GULP1: variants seen among roughly 807,000 people sequenced by gnomAD.
GULP1 encodes PTB domain-containing engulfment adapter protein 1.
GULP1 carries 19 observed loss-of-function variants against 40.9 expected under a neutral mutation model. That is an observed-to-expected ratio of 0.46 (90% CI 0.32 to 0.68). The LOEUF (loss-of-function observed/expected upper bound fraction) is 0.68, where lower values mean the gene tolerates loss of function less well. Among genes scored for constraint, GULP1 ranks in the 30% least tolerant of loss-of-function variants. The pLI is 0.03. For missense variants in GULP1, 312 were observed against 362.2 expected, an observed-to-expected ratio of 0.86 and a Z score of 1.12; for synonymous variants, 119 against 117.6, an observed-to-expected ratio of 1.01 and a Z score of -0.08.
intron 4 of GULP1, among the ~76,000 whole-genome samples, chr2:188,512,843 A>G (rs188987920): frequency 4.9e-5 from 1 of 20,282 alleles, no homozygotes; most frequent in African/African-American, 1.7e-4. Context: ...AGCTTAAAAG[A>G]GAAGTCTTTG....
intron 1 of GULP1, among the ~76,000 whole-genome samples, chr2:188,356,418 T>C (rs374813191): frequency 9.2e-5 from 14 of 152,136 alleles, no homozygotes; most frequent in African/African-American, 3.1e-4. Context: ...AGAAGAAATC[T>C]AGGAAAGCAA....
At chr2:188,510,688 A>C (rs2153196897) in intron 4 of GULP1, among the ~76,000 whole-genome samples, 1 of 151,048 alleles carries the variant, frequency 6.6e-6, no homozygotes, top group East Asian at 2.0e-4. Context: ...ATATCCTAAA[A>C]ATCCCACTTG....
intron 1 of GULP1, among the ~76,000 whole-genome samples, chr2:188,367,632 A>G (rs1267841799): frequency 6.6e-6 from 1 of 152,168 alleles, no homozygotes; most frequent in East Asian, 1.9e-4. Context: ...TTAAGATTCT[A>G]GGAACTCAGA....
intron 1 of GULP1, among the ~76,000 whole-genome samples, chr2:188,339,423 T>C (rs1371340167): frequency 1.3e-5 from 2 of 152,208 alleles, no homozygotes; most frequent in African/African-American, 2.4e-5. Flanking sequence ...GTTTTAGAGA[T>C]GCTTTGGATG....
At chr2:188,582,242 T>C (rs1357280169) in intron 9 of GULP1, 2 of 392,690 alleles carry the variant, frequency 5.1e-6, no homozygotes, top group Non-Finnish European at 1.0e-5. Context: ...CTTATCATCT[T>C]AACAAAACAC....
chr2:188,302,606 GACATACAGTAAACTTT>G (rs1332689610), intron 1 of GULP1, among the ~76,000 whole-genome samples: 1 of 152,086 alleles, frequency 6.6e-6, no homozygotes. Context: ...AAAAAATACA[GACATACAGTAAACTTT>G]TAAGTAAGAG....
intron 1 of GULP1, among the ~76,000 whole-genome samples, chr2:188,353,831 A>G (rs1436789731): frequency 4.0e-5 from 6 of 151,502 alleles, no homozygotes; most frequent in Non-Finnish European, 5.9e-5. Context: ...AACCCCTCCT[A>G]CCCCTACAGA....
At chr2:188,558,137 T>C (rs556722388) in intron 7 of GULP1, among the ~76,000 whole-genome samples, 123 of 152,270 alleles carry the variant, frequency 8.1e-4, no homozygotes, top group Non-Finnish European at 1.4e-3. Context: ...GAAAATGGGC[T>C]CCTCTTTTCT....
At position 188,291,923 on chromosome 2, in the gene GULP1, C is replaced by G. The variant is rs1410505073; in HGVS notation, c.-415C>G. On this transcript the variant is annotated 5_prime_UTR_variant, in exon 1 of 12. Coordinates refer to ENST00000409830, the MANE Select transcript of GULP1 (RefSeq NM_016315.4). Reference sequence around the variant, plus strand: ...GTCCCCAGCCCCGCGTCCCAGCTGCCGCCAGCGCCAGTTTTGGATTCGGCG... The same window carrying G: ...GTCCCCAGCCCCGCGTCCCAGCTGCGGCCAGCGCCAGTTTTGGATTCGGCG... 6 of 152,440 alleles carry G rather than the reference C, an allele frequency of 3.9e-5. No homozygotes were observed. In the East Asian group the frequency reaches 7.8e-4, roughly 20 times the overall value. The allele number at this position is 152,440 out of a possible 1,614,324, so 9.4% of individuals were successfully genotyped here.
rs1200563303 is a variant in GULP1, at chr2:188,301,302, G to T, written c.-172+9136G>T. On this transcript the variant is annotated intron_variant, in intron 1 of 11. Transcript: ENST00000409830. Reference sequence around the variant, plus strand: ...ACCTGCCAATGTGCTGGTATTACAGGTGTGAGCACTGTACTTGGCTCCAAG... The same window carrying T: ...ACCTGCCAATGTGCTGGTATTACAGTTGTGAGCACTGTACTTGGCTCCAAG... Among the ~76,000 whole-genome samples, 6 of 152,290 alleles carry T rather than the reference G, an allele frequency of 3.9e-5. No homozygotes were observed. In the East Asian group the frequency reaches 1.2e-3, roughly 29 times the overall value.
At chr2:188,557,231 A>C (rs1576067952) in intron 7 of GULP1, among the ~76,000 whole-genome samples, 1 of 152,252 alleles carries the variant, frequency 6.6e-6, no homozygotes, top group Non-Finnish European at 1.5e-5. Context: ...CCAAAGTCTT[A>C]ACTTGTTTTG....
At chr2:188,483,799 TC>T (rs2061626115) in intron 4 of GULP1, among the ~76,000 whole-genome samples, 1 of 152,162 alleles carries the variant, frequency 6.6e-6, no homozygotes, top group Non-Finnish European at 1.5e-5. Flanking sequence ...AAATTAGCTT[TC>T]TTTAAAAACA....
At chr2:188,402,780 C>T (rs926839943) in intron 2 of GULP1, among the ~76,000 whole-genome samples, 1 of 151,770 alleles carries the variant, frequency 6.6e-6, no homozygotes, top group Non-Finnish European at 1.5e-5. Context: ...TGAAATCTGC[C>T]CTAGGATTTT....
intron 10 of GULP1, among the ~76,000 whole-genome samples, chr2:188,585,426 T>A (rs971290575): frequency 6.6e-6 from 1 of 152,164 alleles, no homozygotes; most frequent in Non-Finnish European, 1.5e-5. Context: ...TAGTAGAGGT[T>A]CTCCATGAGG....
chr2:188,584,867 A>G (rs1476962266), intron 10 of GULP1, among the ~76,000 whole-genome samples: 1 of 152,080 alleles, frequency 6.6e-6, no homozygotes, highest in Non-Finnish European at 1.5e-5. Context: ...GTTCTTTCCT[A>G]TCTAAAATGC....
chr2:188,435,725 C>T (rs2057345572), intron 2 of GULP1, among the ~76,000 whole-genome samples: 1 of 152,004 alleles, frequency 6.6e-6, no homozygotes, highest in African/African-American at 2.4e-5. Context: ...CTCAGGTTGT[C>T]GGAATTCATT....
chr2:188,376,227 C>T (rs907764649), intron 1 of GULP1, among the ~76,000 whole-genome samples: 1 of 152,104 alleles, frequency 6.6e-6, no homozygotes, highest in African/African-American at 2.4e-5. Flanking sequence ...GTAATTAAAT[C>T]TATAAAACAC....
chr2:188,437,594 G>T (rs1031542984), intron 2 of GULP1, among the ~76,000 whole-genome samples: 5 of 152,022 alleles, frequency 3.3e-5, no homozygotes, highest in African/African-American at 1.2e-4. Flanking sequence ...CAAAGTAATA[G>T]AAATCATTCT....
Position 188,309,294 on chromosome 2 carries a change from C to T in GULP1, c.-172+17128C>T, listed in dbSNP as rs143197343. 1.5e-3 allele frequency among the ~76,000 whole-genome samples: 227 copies of T among 151,958 alleles called. 4 individuals are homozygous for T. In the East Asian group the frequency reaches 0.034, roughly 22 times the overall value. ...CAGCCTGGGCAACATGGTGAAACCC[C>T]ATTTCTACAAAAAATACGAAAAATA... is the stretch of plus-strand genomic sequence containing the variant. On this transcript the variant is annotated intron_variant, in intron 1 of 11. Transcript: ENST00000409830.
Sources: gnomAD v4.1 joint callset for allele counts (sites outside exome capture counted in the v4.1 genomes callset) on GRCh38, gnomAD v4.1.1 for gene constraint, MANE v1.5 for transcripts, NCBI Gene and HGNC (gene_info 2026-07-23, HGNC 2026-07-21) for gene names.